Variants in L3MBTL4 observed in about 807,000 individuals in gnomAD.
L3MBTL4 encodes the protein L3MBTL histone methyl-lysine binding protein 4.
L3MBTL4 carries 70 observed loss-of-function variants against 84.5 expected under a neutral mutation model. The ratio of observed to expected loss-of-function variants is 0.83; its 90% CI spans 0.68 to 1.01. The LOEUF is 1.01. L3MBTL4 is among the 50% of genes least tolerant of loss of function. The pLI, the probability that L3MBTL4 is intolerant of heterozygous loss-of-function variation, is 0.00. For synonymous variants in L3MBTL4, 274 were observed against 259.8 expected, an observed-to-expected ratio of 1.05 and a Z score of -0.52; for missense variants, 715 against 754.8, an observed-to-expected ratio of 0.95 and a Z score of 0.62.
At chr18:6,312,543 C>G (rs563444003) in intron 1 of L3MBTL4, among the ~76,000 whole-genome samples, 1 of 152,256 alleles carries the variant, frequency 6.6e-6, no homozygotes, top group East Asian at 1.9e-4. Context: ...CCCAAGAGCA[C>G]CAAGCCAAGG....
chr18:6,093,441 C>T lies in L3MBTL4; in HGVS notation c.1287G>A (p.Leu429=), dbSNP rs764468685. 5 of 1,613,810 alleles carry T rather than the reference C, an allele frequency of 3.1e-6. No homozygotes were observed. The South Asian group carries it at 3.3e-5, about 11-fold the overall frequency. ...ATTTTGAATGTGAAGAGTCTGATTC[C>T]AAATTTGCCTGTGTTTGTTCTCTCA... is the stretch of plus-strand genomic sequence containing the variant. ...DRLREQTQAN[L]ESDSSHSKSK... Residue 429 remains leucine, a synonymous_variant, in exon 15 of 19, where the codon TTG becomes TTA. Transcript: ENST00000317931.
Position 6,313,616 on chromosome 18 carries a change from A to T in L3MBTL4, c.-90-1560T>A, listed in dbSNP as rs74911451. Among the ~76,000 whole-genome samples, 564 of 152,340 alleles carry T rather than the reference A, an allele frequency of 3.7e-3. 5 individuals are homozygous for T. The highest frequency in any genetic ancestry group is 0.013 in the African/African-American group (555 of 41,582). On this transcript the variant is annotated intron_variant, in intron 1 of 18. Transcript: ENST00000317931. ...ATAGACTTGATGCCTGTAGCGAAGTATTATTGCACAAGACACAAGCACTGC... is the reference window on the plus strand; with the variant it reads ...ATAGACTTGATGCCTGTAGCGAAGTTTTATTGCACAAGACACAAGCACTGC...
intron 17 of L3MBTL4, among the ~76,000 whole-genome samples, chr18:5,965,826 C>T (rs1000638856): frequency 6.6e-6 from 1 of 152,146 alleles, no homozygotes; most frequent in Non-Finnish European, 1.5e-5. Flanking sequence ...GACAGCAAGA[C>T]TAAGATATGC....
intron 16 of L3MBTL4, among the ~76,000 whole-genome samples, chr18:6,047,959 C>G (rs2056691385): frequency 1.3e-5 from 2 of 152,174 alleles, no homozygotes; most frequent in African/African-American, 4.8e-5. Flanking sequence ...AAGAATAAGT[C>G]AAATTATCTC....
At chr18:6,247,747 G>C (rs111452468) in intron 5 of L3MBTL4, among the ~76,000 whole-genome samples, 1 of 149,364 alleles carries the variant, frequency 6.7e-6, no homozygotes, top group Non-Finnish European at 1.5e-5. Context: ...CACCTGCCTC[G>C]GTCTCCCAAA....
At chr18:5,968,209 A>T (rs776373448) in intron 17 of L3MBTL4, among the ~76,000 whole-genome samples, 9 of 152,238 alleles carry the variant, frequency 5.9e-5, no homozygotes, top group Non-Finnish European at 1.3e-4. Flanking sequence ...CTGTAGCTCT[A>T]ATCTTGCCCT....
chr18:6,341,480 C>T (rs555608235), intron 1 of L3MBTL4, among the ~76,000 whole-genome samples: 126 of 151,780 alleles, frequency 8.3e-4, no homozygotes, highest in Non-Finnish European at 1.3e-3. Context: ...AAGAATACAA[C>T]ACCTGAACTC....
At chr18:6,154,940 T>G (rs898133902) in intron 13 of L3MBTL4, among the ~76,000 whole-genome samples, 1 of 152,186 alleles carries the variant, frequency 6.6e-6, no homozygotes, top group Non-Finnish European at 1.5e-5. Context: ...AACGATGACT[T>G]CAAAGAAAAT....
intron 5 of L3MBTL4, among the ~76,000 whole-genome samples, chr18:6,246,869 A>C (rs949334665): frequency 6.6e-6 from 1 of 152,078 alleles, no homozygotes. Context: ...GGGCCACTGC[A>C]CTCCAGCCTG....
intron 13 of L3MBTL4, among the ~76,000 whole-genome samples, chr18:6,150,844 G>A (rs559252894): frequency 1.4e-4 from 21 of 152,102 alleles, no homozygotes; most frequent in Non-Finnish European, 2.9e-4. Flanking sequence ...AAAAATGTTC[G>A]CTGGCACCTT....
At chr18:6,249,003 T>C (rs1465241086) in intron 5 of L3MBTL4, among the ~76,000 whole-genome samples, 1 of 152,210 alleles carries the variant, frequency 6.6e-6, no homozygotes, top group East Asian at 1.9e-4. Flanking sequence ...ATGGCAAGAA[T>C]GAATGATTTC....
At chr18:6,322,645 T>C (rs1183937032) in intron 1 of L3MBTL4, among the ~76,000 whole-genome samples, 1 of 152,010 alleles carries the variant, frequency 6.6e-6, no homozygotes, top group Non-Finnish European at 1.5e-5. Context: ...GAAAATGAGG[T>C]ACATATACAC....
chr18:6,256,909 G>C (rs576942390), intron 5 of L3MBTL4: 1 of 152,390 alleles, frequency 6.6e-6, no homozygotes, highest in Non-Finnish European at 1.5e-5. Flanking sequence ...GCCGAGGCCA[G>C]GCTGGGCTAG....
chr18:6,202,538 TGA>T (rs1379239548), intron 12 of L3MBTL4, among the ~76,000 whole-genome samples: 2 of 151,962 alleles, frequency 1.3e-5, no homozygotes, highest in Non-Finnish European at 2.9e-5. Flanking sequence ...GTGGTCCAGG[TGA>T]GATATGCTGC....
At chr18:6,099,522 C>T (rs1179818728) in intron 14 of L3MBTL4, among the ~76,000 whole-genome samples, 1 of 138,872 alleles carries the variant, frequency 7.2e-6, no homozygotes, top group Non-Finnish European at 1.6e-5. Context: ...ATTACATTGT[C>T]CTCAAACACA....
At chr18:6,205,338 C>A (rs578182335) in intron 12 of L3MBTL4, among the ~76,000 whole-genome samples, 3 of 152,256 alleles carry the variant, frequency 2.0e-5, no homozygotes, top group African/African-American at 7.2e-5. Flanking sequence ...ACCAGCCTTG[C>A]GGACACCTTC....
intron 1 of L3MBTL4, among the ~76,000 whole-genome samples, chr18:6,373,560 G>A (rs2054246782): frequency 1.3e-5 from 2 of 152,258 alleles, no homozygotes; most frequent in South Asian, 2.1e-4. Context: ...CTTTGACAAA[G>A]TGCAAAGAGA....
At chr18:6,279,294 A>T (rs1168988516) in intron 4 of L3MBTL4, among the ~76,000 whole-genome samples, 1 of 152,142 alleles carries the variant, frequency 6.6e-6, no homozygotes, top group Non-Finnish European at 1.5e-5. Context: ...TCAGATTACA[A>T]GTAAAGAACA....
At chr18:5,986,753 A>G (rs1412744215) in intron 16 of L3MBTL4, among the ~76,000 whole-genome samples, 4 of 152,234 alleles carry the variant, frequency 2.6e-5, no homozygotes, top group African/African-American at 9.6e-5. Context: ...AGAGGAATGT[A>G]CAGGGGCTTG....
Sources: allele counts gnomAD v4.1 joint callset (sites outside exome capture counted in the v4.1 genomes callset), GRCh38; gene constraint gnomAD v4.1.1; transcripts MANE v1.5; gene names NCBI Gene and HGNC (gene_info 2026-07-23, HGNC 2026-07-21).